Variants in ZNF131 observed in about 807,000 individuals in gnomAD.
ZNF131 encodes the protein zinc finger and BTB domain containing 35.
In ZNF131, 7 loss-of-function variants were observed where a neutral mutation model predicts 60.0. The observed-to-expected ratio is 0.12, with a 90% CI of 0.07 to 0.22. The LOEUF is 0.22. Ranked by LOEUF, ZNF131 falls within the 10% of genes least tolerant of loss-of-function variation. The pLI is 1.00. For missense variants in ZNF131, 493 were observed against 740.9 expected (o/e 0.67, Z 3.88); for synonymous variants, 257 against 253.2 (o/e 1.01, Z -0.14).
At chr5:43,174,043 C>T (rs563508374) in intron 6 of ZNF131, among the ~76,000 whole-genome samples, 3 of 152,078 alleles carry the variant, frequency 2.0e-5, no homozygotes, top group Non-Finnish European at 2.9e-5. Flanking sequence ...GGCTGGCTAA[C>T]GTGCTGAAAC....
chr5:43,132,008 T>C (rs570034444), intron 3 of ZNF131, among the ~76,000 whole-genome samples: 17 of 152,314 alleles, frequency 1.1e-4, no homozygotes, highest in East Asian at 1.9e-4. Context: ...AGAGTTGTTA[T>C]GAGAATTAAG....
intron 5 of ZNF131, among the ~76,000 whole-genome samples, chr5:43,162,177 A>T (rs1388938577): frequency 1.3e-5 from 2 of 152,260 alleles, no homozygotes; most frequent in Non-Finnish European, 2.9e-5. Flanking sequence ...TTTTCAAAGA[A>T]ATAGAGAAAA....
chr5:43,158,537 G>A (rs964074461), intron 4 of ZNF131, among the ~76,000 whole-genome samples: 3 of 152,126 alleles, frequency 2.0e-5, no homozygotes, highest in Non-Finnish European at 2.9e-5. Flanking sequence ...TGATCCTCCC[G>A]CCTCAGCCTC....
chr5:43,128,670 A>AAAAC (rs1467177363), intron 3 of ZNF131, among the ~76,000 whole-genome samples: 1 of 151,258 alleles, frequency 6.6e-6, no homozygotes, highest in South Asian at 2.1e-4. Context: ...AAAAAAAAAA[A>AAAAC]AAAAAAACAC....
chr5:43,139,911 T>G (rs575130656), intron 4 of ZNF131, among the ~76,000 whole-genome samples: 7 of 152,118 alleles, frequency 4.6e-5, no homozygotes, highest in African/African-American at 1.7e-4. Context: ...AAATTTCTCC[T>G]GAGAAGTATT....
chr5:43,143,417 A>G, intron 4 of ZNF131: 1 of 1,420,352 alleles, frequency 7.0e-7, no homozygotes, highest in Non-Finnish European at 9.2e-7. Flanking sequence ...AAAAGCAGTG[A>G]TCTGCTTCTC....
chr5:43,121,745 T>G, intron 1 of ZNF131: 2 of 199,488 alleles, frequency 1.0e-5, no homozygotes, highest in Admixed American at 6.0e-5. Context: ...GTCCCCTCCC[T>G]TGTTGGACTT....
At chr5:43,125,082 T>C (rs1249547726) in intron 3 of ZNF131, 1 of 151,208 alleles carries the variant, frequency 6.6e-6, no homozygotes, top group Non-Finnish European at 1.5e-5. Flanking sequence ...TAATATATCA[T>C]GTACTATGTT....
intron 3 of ZNF131, among the ~76,000 whole-genome samples, chr5:43,127,349 A>G (rs1744682459): frequency 6.6e-6 from 1 of 152,224 alleles, no homozygotes; most frequent in Non-Finnish European, 1.5e-5. Flanking sequence ...AAAGTTCTCT[A>G]GGTTCTTGAT....
chr5:43,174,628 C>T lies in ZNF131; in HGVS notation c.1367C>T (p.Ser456Leu). The change falls in exon 7 of 7, where the codon TCA becomes TTA. Residue 456 changes from serine (S) to leucine (L), a missense_variant. This residue lies in a region of ZNF131 where 202 missense variants were observed against 221.3 expected (regional missense o/e 0.91). Coordinates refer to ENST00000682664, the MANE Select transcript of ZNF131 (RefSeq NM_001330707.2). ...CGTCTAGTAACGGAAGAAGTTCTTTCAGTAGAAACACGTGTGCAAACTGAA... is the reference window on the plus strand; with the variant it reads ...CGTCTAGTAACGGAAGAAGTTCTTTTAGTAGAAACACGTGTGCAAACTGAA... ...SERLVTEEVL[S>L]VETRVQTEPV... 6.2e-7 allele frequency: 1 copy of T among 1,614,098 alleles called. No individual in the cohort carries two copies. Among genetic ancestry groups the T allele is most frequent in the East Asian group, 2.2e-5 (1 of 44,888 alleles).
chr5:43,128,615 C>T (rs1160408851), intron 3 of ZNF131, among the ~76,000 whole-genome samples: 3 of 145,204 alleles, frequency 2.1e-5, no homozygotes, highest in Admixed American at 7.1e-5. Flanking sequence ...TGAGATGGCG[C>T]CACTGCACTC....
chr5:43,161,647 T>G lies in ZNF131; in HGVS notation c.770T>G (p.Val257Gly). 6.2e-7 allele frequency: 1 copy of G among 1,614,262 alleles called. No individual in the cohort carries two copies. The highest frequency in any genetic ancestry group is 8.5e-7 in the Non-Finnish European group (1 of 1,180,036). The change falls in exon 5 of 7, where the codon GTG becomes GGG. Residue 257 changes from valine to glycine, a missense_variant. Val to Gly is a moderately radical substitution (Grantham distance 109). Transcript: ENST00000682664. ...ATTGTGGAACTTCAGCTGTCACATG[T>G]GAAGGACTTGTTCCATTGTGAGAAA... ...IEIVELQLSH[V>G]KDLFHCEKCN...
intron 4 of ZNF131, among the ~76,000 whole-genome samples, chr5:43,156,934 C>T (rs1229635259): frequency 1.3e-5 from 2 of 151,916 alleles, no homozygotes; most frequent in Non-Finnish European, 2.9e-5. Flanking sequence ...TGTTGTTATT[C>T]GTTTGCCTGG....
chr5:43,137,782 G>A (rs1390729310), intron 3 of ZNF131, among the ~76,000 whole-genome samples: 1 of 152,154 alleles, frequency 6.6e-6, no homozygotes, highest in Non-Finnish European at 1.5e-5. Flanking sequence ...GCACTCCTAT[G>A]TTCATTGCAG....
intron 4 of ZNF131, 54 bp downstream of exon 4, chr5:43,139,363 T>G: frequency 6.8e-7 from 1 of 1,462,196 alleles, no homozygotes; most frequent in Non-Finnish European, 9.1e-7. Context: ...ATGTTCATTC[T>G]GTTAGTGAAG....
rs782995 is a variant in ZNF131 at position 43,151,950 on chromosome 5, T to C, written c.372-9299T>C. On this transcript the variant is annotated intron_variant, in intron 4 of 6. Transcript: ENST00000682664. ...GTTCAATTAGAATGATTCAGTCTAG[T>C]TCTAGTTTTTGGAGAGACTGAGGAC... 8.8e-3 allele frequency among the ~76,000 whole-genome samples: 1,337 copies of C among 152,234 alleles called. 28 individuals carry two copies. The highest frequency in any genetic ancestry group is 0.031 in the African/African-American group (1,291 of 41,544).
At chr5:43,171,315 G>T (rs13164183) in intron 5 of ZNF131, among the ~76,000 whole-genome samples, 14,744 of 152,114 alleles carry the variant, frequency 0.097, 840 homozygotes, top group East Asian at 0.19. Context: ...TGGATCCCAT[G>T]CCTTGATGTC....
rs1751414370 is a variant in ZNF131 at position 43,174,948 on chromosome 5, G to C, written c.1687G>C (p.Asp563His). Reference sequence around the variant, plus strand: ...AGTACAAACTGAACTTCTAGAAGCAGATTTGGACCACGTGACCCCAGAAAT... The same window carrying C: ...AGTACAAACTGAACTTCTAGAAGCACATTTGGACCACGTGACCCCAGAAAT... ...VEVQTELLEA[D>H]LDHVTPEIMN... Residue 563 changes from aspartate to histidine, a missense_variant, in exon 7 of 7, where the codon GAT becomes CAT. Physicochemically the swap from Asp to His is moderately conservative, Grantham distance 81. Coordinates refer to ENST00000682664, the MANE Select transcript of ZNF131 (RefSeq NM_001330707.2). The C allele has an allele frequency of 1.2e-6, 2 of 1,614,014 alleles. No individual in the cohort carries two copies. The highest frequency in any genetic ancestry group is 1.7e-6 in the Non-Finnish European group (2 of 1,180,050).
chr5:43,132,930 A>G (rs762978077), intron 3 of ZNF131, among the ~76,000 whole-genome samples: 4 of 152,212 alleles, frequency 2.6e-5, no homozygotes, highest in Non-Finnish European at 5.9e-5. Flanking sequence ...GATGGGAAGA[A>G]CATATTTTTG....
Sources: allele counts gnomAD v4.1 joint callset (sites outside exome capture counted in the v4.1 genomes callset), GRCh38; gene constraint gnomAD v4.1.1; regional missense constraint gnomAD v4.1.1; transcripts MANE v1.5; gene names NCBI Gene and HGNC (gene_info 2026-07-23, HGNC 2026-07-21).